Variants in ATP8A1 observed in about 807,000 individuals in gnomAD.
ATP8A1 encodes the protein phospholipid-transporting ATPase IA.
A neutral mutation model predicts 177.7 loss-of-function variants in ATP8A1; 90 were observed. The observed-to-expected ratio is 0.51, with a 90% CI of 0.43 to 0.60. The LOEUF (loss-of-function observed/expected upper bound fraction) is 0.60, where lower values mean the gene tolerates loss of function less well. Ranked by LOEUF, ATP8A1 falls within the 20% of genes least tolerant of loss-of-function variation. The probability of loss-of-function intolerance (pLI) is 0.00; values close to 1 mark genes in which losing one functional copy is unlikely to be tolerated. For missense variants in ATP8A1, 1,072 were observed against 1,392.8 expected (o/e 0.77, Z 3.67); for synonymous variants, 493 against 485.9 (o/e 1.01, Z -0.19).
rs756043784 is a variant in ATP8A1, at chr4:42,408,757, A to G, written c.*4159T>C. ...CCTAATAAACTTGAAAATGTAAAAA[A>G]TGACGATTAAAGTAGTTAAACAACA... On this transcript the variant is annotated 3_prime_UTR_variant, in exon 37 of 37. Coordinates refer to ENST00000381668, the MANE Select transcript of ATP8A1 (RefSeq NM_006095.2). The G allele has an allele frequency of 1.3e-5, 2 of 152,216 alleles. No homozygotes were observed. Among genetic ancestry groups the G allele is most frequent in the Non-Finnish European group, 2.9e-5 (2 of 68,024 alleles). The allele number at this position is 152,216 out of a possible 1,614,324, so 9.4% of individuals were successfully genotyped here.
intron 22 of ATP8A1, among the ~76,000 whole-genome samples, chr4:42,518,474 C>G (rs1294019013): frequency 6.6e-6 from 1 of 152,146 alleles, no homozygotes; most frequent in Non-Finnish European, 1.5e-5. Context: ...CCTGGAGCAC[C>G]CACGAGGGCA....
intron 5 of ATP8A1, among the ~76,000 whole-genome samples, chr4:42,601,481 T>G (rs1735270182): frequency 6.6e-6 from 1 of 151,984 alleles, no homozygotes. Flanking sequence ...CAGTATAATT[T>G]TTTTTTCCTG....
rs1047689674 is a variant in ATP8A1, at chr4:42,411,195, G to A, written c.*1721C>T. 1 of 152,140 alleles carries A rather than the reference G, an allele frequency of 6.6e-6. No homozygotes were observed. Among genetic ancestry groups the A allele is most frequent in the Non-Finnish European group, 1.5e-5 (1 of 68,028 alleles). The allele number at this position is 152,140 out of a possible 1,614,324, so 9.4% of individuals were successfully genotyped here. ...CTTAAGGTTAGAATTATGTATATGT[G>A]TTATAACCTCTTATTTGTAGAAAAT... On this transcript the variant is annotated 3_prime_UTR_variant, in exon 37 of 37. Coordinates refer to ENST00000381668, the MANE Select transcript of ATP8A1 (RefSeq NM_006095.2).
rs768047138 is a variant in ATP8A1 at position 42,579,889 on chromosome 4, C to A, written c.924G>T (p.Met308Ile). The A allele has an allele frequency of 1.4e-5, 23 of 1,613,578 alleles. No individual in the cohort carries two copies. Among genetic ancestry groups the A allele is most frequent in the Non-Finnish European group, 1.9e-5 (23 of 1,179,764 alleles). ...ILILFCILIA[M>I]SLVCSVGSAI... ...CTGAGCCCACAGAACAGACAAGAGA[C>A]ATGGCAATTAAGATACAAAATAAAA... The change falls in exon 11 of 37, where the codon ATG (methionine) becomes ATT (isoleucine). Residue 308 changes from methionine to isoleucine, a missense_variant. Met to Ile is a conservative substitution (Grantham distance 10). Coordinates refer to ENST00000381668, the MANE Select transcript of ATP8A1 (RefSeq NM_006095.2).
chr4:42,611,175 T>C (rs1264709198), intron 5 of ATP8A1, among the ~76,000 whole-genome samples: 1 of 152,160 alleles, frequency 6.6e-6, no homozygotes, highest in Non-Finnish European at 1.5e-5. Flanking sequence ...TGCAGGGAAG[T>C]AGTCTTGTTA....
At chr4:42,427,760 A>T (rs889614539) in intron 33 of ATP8A1, among the ~76,000 whole-genome samples, 1 of 152,260 alleles carries the variant, frequency 6.6e-6, no homozygotes, top group Admixed American at 6.5e-5. Context: ...AAAAGAAACC[A>T]TGGCAGCATC....
intron 1 of ATP8A1, among the ~76,000 whole-genome samples, chr4:42,635,948 C>T (rs1025423360): frequency 7.3e-5 from 11 of 151,296 alleles, no homozygotes; most frequent in African/African-American, 2.7e-4. Flanking sequence ...CAGATTCAGT[C>T]CTCTCTGTGT....
At chr4:42,589,173 T>A (rs556501668) in intron 7 of ATP8A1, among the ~76,000 whole-genome samples, 1 of 152,188 alleles carries the variant, frequency 6.6e-6, no homozygotes, top group Non-Finnish European at 1.5e-5. Context: ...TGATTTGACT[T>A]GCCCAGCAAC....
intron 1 of ATP8A1, among the ~76,000 whole-genome samples, chr4:42,647,826 A>AAAT (rs1740694463): frequency 6.6e-6 from 1 of 152,162 alleles, no homozygotes; most frequent in Admixed American, 6.5e-5. Context: ...CCACTACATG[A>AAAT]AATAATAAAA....
chr4:42,614,096 T>TA (rs113699025), intron 5 of ATP8A1, among the ~76,000 whole-genome samples: 34,359 of 152,146 alleles, frequency 0.23, 4,343 homozygotes, highest in Non-Finnish European at 0.29. Flanking sequence ...CCAATCCTGT[T>TA]ATCTATGAAG....
At chr4:42,525,219 T>C (rs914661793) in intron 20 of ATP8A1, among the ~76,000 whole-genome samples, 3 of 152,218 alleles carry the variant, frequency 2.0e-5, no homozygotes, top group African/African-American at 7.2e-5. Flanking sequence ...CAAGTAAGTT[T>C]GGCAAACACT....
chr4:42,496,761 T>C (rs553958403), intron 24 of ATP8A1, among the ~76,000 whole-genome samples: 2 of 151,830 alleles, frequency 1.3e-5, no homozygotes, highest in South Asian at 2.1e-4. Context: ...TACACACATA[T>C]ATATACGCAC....
Position 42,569,141 on chromosome 4 carries a change from G to C in ATP8A1, c.1340+20C>G, listed in dbSNP as rs1225177370. On this transcript the variant is annotated intron_variant, in intron 15 of 36. Coordinates refer to ENST00000381668, the MANE Select transcript of ATP8A1 (RefSeq NM_006095.2). Reference sequence around the variant, plus strand: ...ACCTTTTATAGGGATCAATGAGGCAGAAAGTTCCATAGAGCTTACCATTCA... The same window carrying C: ...ACCTTTTATAGGGATCAATGAGGCACAAAGTTCCATAGAGCTTACCATTCA... 6.4e-7 allele frequency: 1 copy of C among 1,569,950 alleles called. No individual in the cohort carries two copies. The highest frequency in any genetic ancestry group is 8.6e-7 in the Non-Finnish European group (1 of 1,157,048).
intron 22 of ATP8A1, among the ~76,000 whole-genome samples, chr4:42,520,282 T>C (rs1725980745): frequency 6.6e-6 from 1 of 152,132 alleles, no homozygotes; most frequent in Admixed American, 6.6e-5. Context: ...ATTAATTCTG[T>C]CTCATGAGGA....
chr4:42,588,378 CATA>C, intron 7 of ATP8A1, 49 bp from the exon 8 acceptor site: 1 of 1,467,240 alleles, frequency 6.8e-7, no homozygotes, highest in Non-Finnish European at 9.5e-7. Flanking sequence ...GGAAGAAAAG[CATA>C]ATAATAACTT....
chr4:42,640,282 T>A (rs1405381577), intron 1 of ATP8A1, among the ~76,000 whole-genome samples: 1 of 152,228 alleles, frequency 6.6e-6, no homozygotes, highest in Non-Finnish European at 1.5e-5. Flanking sequence ...CAGTTAAACA[T>A]GGAACTGAGC....
chr4:42,492,164 A>G (rs924778510), intron 24 of ATP8A1, among the ~76,000 whole-genome samples: 1 of 152,196 alleles, frequency 6.6e-6, no homozygotes, highest in Non-Finnish European at 1.5e-5. Context: ...ATACTTATCT[A>G]AAGTATACTT....
In ATP8A1 at chr4:42,540,980, A is replaced by T. The variant is rs192999917; in HGVS notation, c.1722+2937T>A. Reference sequence around the variant, plus strand: ...CACTCTGCATTATATACATGTAACAATTTCTCATGTACCCCATAAATGTGT... The same window carrying T: ...CACTCTGCATTATATACATGTAACATTTTCTCATGTACCCCATAAATGTGT... On this transcript the variant is annotated intron_variant, in intron 20 of 36. Transcript: ENST00000381668. 3.3e-3 allele frequency among the ~76,000 whole-genome samples: 508 copies of T among 152,158 alleles called. 1 individual carries two copies. Among genetic ancestry groups the T allele is most frequent in the Middle Eastern group, 0.014 (4 of 294 alleles).
chr4:42,441,404 T>G (rs973741707), intron 33 of ATP8A1, among the ~76,000 whole-genome samples: 1 of 152,068 alleles, frequency 6.6e-6, no homozygotes, highest in African/African-American at 2.4e-5. Flanking sequence ...AATTTTAAGA[T>G]TAGAAAAATA....
Sources: allele counts gnomAD v4.1 joint callset (sites outside exome capture counted in the v4.1 genomes callset), GRCh38; gene constraint gnomAD v4.1.1; transcripts MANE v1.5; gene names NCBI Gene and HGNC (gene_info 2026-07-23, HGNC 2026-07-21).